The following LRRC37A2 variants were observed in gnomAD, a reference collection of about 807,000 sequenced individuals.
LRRC37A2 encodes the protein leucine-rich repeat-containing protein 37A2.
A neutral mutation model predicts 68.8 loss-of-function variants in LRRC37A2; 9 were observed. That is an observed-to-expected ratio of 0.13 (90% CI 0.08 to 0.23). The LOEUF is 0.23. LRRC37A2 is among the 10% of genes least tolerant of loss of function. The probability of loss-of-function intolerance (pLI) is 1.00; values close to 1 mark genes in which losing one functional copy is unlikely to be tolerated. For missense variants in LRRC37A2, 168 were observed against 950.4 expected, an observed-to-expected ratio of 0.18 and a Z score of 10.82; for synonymous variants, 63 against 367.6, an observed-to-expected ratio of 0.17 and a Z score of 9.48.
the LRRC37A2 span, among the ~76,000 whole-genome samples, chr17:46,927,169 T>G: frequency 2.0e-5 from 3 of 152,354 alleles, no homozygotes; most frequent in Admixed American, 2.0e-4. Flanking sequence ...GTATATTGAT[T>G]GACCATTTGG....
the LRRC37A2 span, among the ~76,000 whole-genome samples, chr17:46,883,158 AT>A: frequency 2.7e-5 from 4 of 148,720 alleles, no homozygotes; most frequent in African/African-American, 1.0e-4. Flanking sequence ...TTGTTTTTGT[AT>A]TTTTAGTAGA....
chr17:47,001,191 TCTAA>T, the LRRC37A2 span, among the ~76,000 whole-genome samples: 59 of 152,212 alleles, frequency 3.9e-4, no homozygotes, highest in East Asian at 5.6e-3. Flanking sequence ...AAGTCTCAGC[TCTAA>T]CTGAGTATTA....
chr17:46,693,157 GT>G, the LRRC37A2 span: 3 of 1,191,798 alleles, frequency 2.5e-6, no homozygotes, highest in East Asian at 9.4e-5. Flanking sequence ...TGATTAAACT[GT>G]TTTGCCAGTG....
the LRRC37A2 span, among the ~76,000 whole-genome samples, chr17:46,989,303 G>A: frequency 6.6e-6 from 1 of 152,168 alleles, no homozygotes; most frequent in Non-Finnish European, 1.5e-5. Context: ...CAGATCCCAC[G>A]GCGGGACACA....
chr17:46,852,404 G>A, the LRRC37A2 span, among the ~76,000 whole-genome samples: 3 of 147,768 alleles, frequency 2.0e-5, no homozygotes, highest in Non-Finnish European at 4.5e-5. Context: ...GTGTGTGTGT[G>A]TGTGTGTGTG....
At chr17:46,975,628 T>C in the LRRC37A2 span, 3 of 152,424 alleles carry the variant, frequency 2.0e-5, no homozygotes, top group African/African-American at 7.2e-5. Flanking sequence ...TCTTGCTGGC[T>C]GTCTTCCTCC....
chr17:46,828,443 T>A, the LRRC37A2 span, among the ~76,000 whole-genome samples: 4 of 152,068 alleles, frequency 2.6e-5, no homozygotes, highest in Non-Finnish European at 5.9e-5. Context: ...GCTCAAGCGA[T>A]CCATCCACCT....
the LRRC37A2 span, among the ~76,000 whole-genome samples, chr17:46,794,666 G>A: frequency 0.029 from 4,333 of 152,010 alleles, 105 homozygotes; most frequent in Non-Finnish European, 0.036. Context: ...AGATGCCTGG[G>A]AATTCCCTCC....
the LRRC37A2 span, among the ~76,000 whole-genome samples, chr17:47,035,874 C>T: frequency 6.6e-6 from 1 of 152,094 alleles, no homozygotes; most frequent in South Asian, 2.1e-4. Flanking sequence ...AGTAGTATCT[C>T]GCTGCAGTTT....
the LRRC37A2 span, chr17:47,007,727 C>A: frequency 1.3e-5 from 2 of 152,122 alleles, no homozygotes; most frequent in Admixed American, 6.5e-5. Context: ...AATGGAAATC[C>A]CGCCACTAAA....
chr17:46,837,154 G>A, the LRRC37A2 span, among the ~76,000 whole-genome samples: 5 of 152,274 alleles, frequency 3.3e-5, no homozygotes, highest in East Asian at 7.7e-4. Context: ...TGTTGGCCAG[G>A]CTGGTCTTGA....
chr17:46,908,472 G>A, the LRRC37A2 span, among the ~76,000 whole-genome samples: 27 of 152,272 alleles, frequency 1.8e-4, no homozygotes, highest in African/African-American at 6.0e-4. Context: ...AACCGGCATC[G>A]GTCTGGCTTA....
chr17:46,548,301 T>C lies in LRRC37A2; in HGVS notation c.3173-11T>C, dbSNP rs1252202031. 3 of 435,218 alleles carry C rather than the reference T, an allele frequency of 6.9e-6. No individual in the cohort carries two copies. The highest frequency in any genetic ancestry group is 1.1e-5 in the Non-Finnish European group (3 of 270,274). The allele number at this position is 435,218 out of a possible 1,614,324, so 27.0% of individuals were successfully genotyped here. A position where few individuals can be genotyped will look rare whatever the true frequency, so the allele number is the denominator to read the frequency against. ...CTTTCATGATCAAAGCAGTCTCTTCTTTTTTGACAGCTGAAGAAGCATCGG... is the reference window on the plus strand; with the variant it reads ...CTTTCATGATCAAAGCAGTCTCTTCCTTTTTGACAGCTGAAGAAGCATCGG... On this transcript the variant is annotated splice_polypyrimidine_tract_variant and intron_variant, in intron 9 of 14. Transcript: ENST00000576629.
chr17:46,823,206 A>ATATATT, the LRRC37A2 span, among the ~76,000 whole-genome samples: 190 of 128,286 alleles, frequency 1.5e-3, 4 homozygotes, highest in African/African-American at 5.4e-3. Context: ...ATTTATATAT[A>ATATATT]ATATATTATA....
At chr17:46,929,501 C>T in the LRRC37A2 span, 1 of 1,397,588 alleles carries the variant, frequency 7.2e-7, no homozygotes, top group Non-Finnish European at 1.0e-6. Flanking sequence ...CACTCATTTC[C>T]TCCCTCTTCC....
intron 8 of LRRC37A2, among the ~76,000 whole-genome samples, chr17:46,543,205 T>C (rs965335455): frequency 2.7e-5 from 4 of 150,622 alleles, no homozygotes; most frequent in Non-Finnish European, 5.9e-5. Context: ...GAGTTCATTA[T>C]TGGAAGTCTT....
the LRRC37A2 span, among the ~76,000 whole-genome samples, chr17:46,498,339 TAGAA>T: frequency 0.086 from 11,963 of 138,508 alleles, 3 homozygotes; most frequent in Non-Finnish European, 0.13. Flanking sequence ...TTGTAGGAAA[TAGAA>T]AGGAGTTATA....
At chr17:46,923,320 C>T in the LRRC37A2 span, 6 of 1,539,414 alleles carry the variant, frequency 3.9e-6, no homozygotes, top group Non-Finnish European at 5.3e-6. Context: ...AGGGTAGAGG[C>T]CGAGTTTTTC....
the LRRC37A2 span, among the ~76,000 whole-genome samples, chr17:46,896,452 A>AAGAAAGAAAGAAAGAAAAAGAAAG: frequency 3.0e-4 from 20 of 65,868 alleles, no homozygotes; most frequent in South Asian, 1.2e-3. Flanking sequence ...GAAAGAAAGA[A>AAGAAAGAAAGAAAGAAAAAGAAAG]AAAGAAAGAA....
Sources: gnomAD v4.1 joint callset for allele counts (sites outside exome capture counted in the v4.1 genomes callset) on GRCh38, gnomAD v4.1.1 for gene constraint, MANE v1.5 for transcripts, NCBI Gene and HGNC (gene_info 2026-07-23, HGNC 2026-07-21) for gene names.